Variants in UBE2D1 observed in about 807,000 individuals in gnomAD.
The protein encoded by UBE2D1 is ubiquitin conjugating enzyme E2 D1, also known as ubiquitin-conjugating enzyme E2 D1.
In UBE2D1, 9 loss-of-function variants were observed where a neutral mutation model predicts 24.6. That is an observed-to-expected ratio of 0.37 (90% confidence interval 0.22 to 0.64). The LOEUF is 0.64. Among genes scored for constraint, UBE2D1 ranks in the 30% least tolerant of loss-of-function variants. The pLI is 0.64. For synonymous variants in UBE2D1, 57 were observed against 57.6 expected (o/e 0.99, Z 0.04); for missense variants, 87 against 177.1 (o/e 0.49, Z 2.89).
intron 1 of UBE2D1, among the ~76,000 whole-genome samples, chr10:58,356,263 A>G (rs553573506): frequency 3.9e-5 from 6 of 152,230 alleles, no homozygotes; most frequent in Admixed American, 1.3e-4. Flanking sequence ...ACCATTAACA[A>G]TTTGTTGTGT....
At chr10:58,336,031 G>A (rs1177133874) in intron 1 of UBE2D1, among the ~76,000 whole-genome samples, 1 of 152,156 alleles carries the variant, frequency 6.6e-6, no homozygotes, top group Non-Finnish European at 1.5e-5. Flanking sequence ...ATAGAATGAG[G>A]AAGAAATATA....
At chr10:58,345,607 A>G (rs1362274873) in intron 1 of UBE2D1, among the ~76,000 whole-genome samples, 1 of 152,218 alleles carries the variant, frequency 6.6e-6, no homozygotes, top group Non-Finnish European at 1.5e-5. Context: ...TAAGTGTAAG[A>G]AAAGTCCTGT....
At chr10:58,342,103 G>T (rs1296577021) in intron 1 of UBE2D1, among the ~76,000 whole-genome samples, 2 of 152,166 alleles carry the variant, frequency 1.3e-5, no homozygotes, top group Admixed American at 1.3e-4. Context: ...ATGAATCTGT[G>T]AAGGTTCAGT....
chr10:58,350,328 G>A (rs1310851982), intron 1 of UBE2D1, among the ~76,000 whole-genome samples: 1 of 152,104 alleles, frequency 6.6e-6, no homozygotes, highest in Non-Finnish European at 1.5e-5. Flanking sequence ...TAGTGGCATA[G>A]CATTTTGGTT....
intron 3 of UBE2D1, 29 bp downstream of exon 3, chr10:58,361,555 A>C (rs1378404843): frequency 6.2e-7 from 1 of 1,613,220 alleles, no homozygotes; most frequent in Non-Finnish European, 8.5e-7. Flanking sequence ...TATGAAATTA[A>C]CCCCCTCAGC....
At position 58,338,533 on chromosome 10, in the gene UBE2D1, A is replaced by G. The variant is rs552692878; in HGVS notation, c.24+3308A>G. On this transcript the variant is annotated intron_variant, in intron 1 of 6. Transcript: ENST00000373910. ...AGGACAGTTTTTCACCTAGGTATCT[A>G]TTTTCTAGAAGTAATTTCTAAGTTG... 5.3e-5 allele frequency among the ~76,000 whole-genome samples: 8 copies of G among 152,304 alleles called. No individual in the cohort carries two copies. In the East Asian group the frequency reaches 5.8e-4, roughly 11 times the overall value.
intron 1 of UBE2D1, among the ~76,000 whole-genome samples, chr10:58,355,821 G>A (rs1464260984): frequency 1.3e-5 from 2 of 152,104 alleles, no homozygotes; most frequent in African/African-American, 2.4e-5. Context: ...TTGGTATCAC[G>A]CTATTAACTA....
chr10:58,349,928 C>G (rs1279990588), intron 1 of UBE2D1, among the ~76,000 whole-genome samples: 17 of 152,130 alleles, frequency 1.1e-4, no homozygotes, highest in Admixed American at 6.6e-5. Flanking sequence ...TCTCTGGCTG[C>G]TTTTGCTCAC....
At position 58,335,122 on chromosome 10, in the gene UBE2D1, GC is replaced by G. The variant is rs1839886364; in HGVS notation, c.-77del. The G allele has an allele frequency of 3.4e-6, 5 of 1,471,050 alleles. No individual in the cohort carries two copies. The highest frequency in any genetic ancestry group is 3.7e-6 in the Non-Finnish European group (4 of 1,091,604). 91.1% of individuals were successfully genotyped at this position (1,471,050 alleles called of 1,614,324 possible). On this transcript the variant is annotated 5_prime_UTR_variant, in exon 1 of 7. Coordinates refer to ENST00000373910, the MANE Select transcript of UBE2D1 (RefSeq NM_003338.5). ...GCGGAGCCAGCCTAGCTGCCAGCGA[GC>G]CCAACCCGCGACGACCCACGCCCCT...
At chr10:58,348,221 AT>A in intron 1 of UBE2D1, among the ~76,000 whole-genome samples, 1 of 152,308 alleles carries the variant, frequency 6.6e-6, no homozygotes, top group Admixed American at 6.5e-5. Context: ...TAAAATGCAA[AT>A]GTACTTTAAT....
At chr10:58,335,405 G>C (rs567734874) in intron 1 of UBE2D1, among the ~76,000 whole-genome samples, 180 bp downstream of exon 1, 1 of 152,228 alleles carries the variant, frequency 6.6e-6, no homozygotes, top group African/African-American at 2.4e-5. Flanking sequence ...GGTGGGAGCA[G>C]GGTCAGGTCC....
intron 1 of UBE2D1, among the ~76,000 whole-genome samples, chr10:58,360,036 A>G (rs560440267): frequency 6.6e-6 from 1 of 152,228 alleles, no homozygotes; most frequent in Admixed American, 6.5e-5. Context: ...AAATCAGAAC[A>G]TGCCACTTCT....
chr10:58,337,068 T>G (rs1839910996), intron 1 of UBE2D1, among the ~76,000 whole-genome samples: 1 of 152,226 alleles, frequency 6.6e-6, no homozygotes, highest in African/African-American at 2.4e-5. Flanking sequence ...TGTATTTGAT[T>G]TATATTTATA....
intron 1 of UBE2D1, among the ~76,000 whole-genome samples, chr10:58,350,797 C>T (rs912633700): frequency 2.0e-5 from 3 of 152,088 alleles, no homozygotes; most frequent in Admixed American, 6.6e-5. Flanking sequence ...AGAAATGCAT[C>T]GTTAGGCAAT....
At chr10:58,366,809 C>T (rs140342289) in intron 5 of UBE2D1, among the ~76,000 whole-genome samples, 115 of 152,068 alleles carry the variant, frequency 7.6e-4, no homozygotes, top group African/African-American at 2.7e-3. Flanking sequence ...TCTCGAACTC[C>T]TAAGCTCAAG....
At position 58,358,196 on chromosome 10, in the gene UBE2D1, C is replaced by T. The variant is rs530984962; in HGVS notation, c.25-3142C>T. On this transcript the variant is annotated intron_variant, in intron 1 of 6. Transcript: ENST00000373910. ...TGCATATGTATGATTTATTCACATACACATTATCTCTGTAAAATATGTACA... is the reference window on the plus strand; with the variant it reads ...TGCATATGTATGATTTATTCACATATACATTATCTCTGTAAAATATGTACA... Among the ~76,000 whole-genome samples, 33 of 152,210 alleles carry T rather than the reference C, an allele frequency of 2.2e-4. No homozygotes were observed. The South Asian group carries it at 6.4e-3, about 30-fold the overall frequency.
At chr10:58,353,478 A>G (rs1391126405) in intron 1 of UBE2D1, among the ~76,000 whole-genome samples, 1 of 152,174 alleles carries the variant, frequency 6.6e-6, no homozygotes, top group East Asian at 1.9e-4. Context: ...CTTGGAAAGC[A>G]ACCCATAGCT....
In UBE2D1 at chr10:58,370,201, G is replaced by C. The variant is rs1248821851; in HGVS notation, c.*1436G>C. 4 of 151,924 alleles carry C rather than the reference G, an allele frequency of 2.6e-5. No homozygotes were observed. Among genetic ancestry groups the C allele is most frequent in the Non-Finnish European group, 5.9e-5 (4 of 67,852 alleles). The allele number at this position is 151,924 out of a possible 1,614,324, so 9.4% of individuals were successfully genotyped here. On this transcript the variant is annotated 3_prime_UTR_variant, in exon 7 of 7. Coordinates refer to ENST00000373910, the MANE Select transcript of UBE2D1 (RefSeq NM_003338.5). ...TAGAAAGTTTTAATGTTTTAACTTG[G>C]GGAAAAATACATCTCTTTAATGTTT...
intron 1 of UBE2D1, among the ~76,000 whole-genome samples, chr10:58,355,000 C>T (rs369870455): frequency 8.5e-5 from 13 of 152,160 alleles, no homozygotes; most frequent in African/African-American, 2.9e-4. Context: ...TTTCAAATCT[C>T]GTTATAGTCA....
Sources: allele counts gnomAD v4.1 joint callset (sites outside exome capture counted in the v4.1 genomes callset), GRCh38; gene constraint gnomAD v4.1.1; transcripts MANE v1.5; gene names NCBI Gene and HGNC (gene_info 2026-07-23, HGNC 2026-07-21).